Variants in NEK6 observed in about 807,000 individuals in gnomAD.
The protein encoded by NEK6 is serine/threonine-protein kinase Nek6.
Under a neutral mutation model 43.5 loss-of-function variants are expected in NEK6, and 27 were observed. The ratio of observed to expected loss-of-function variants is 0.62; its 90% CI spans 0.46 to 0.86. NEK6 has a LOEUF of 0.86. Ranked by LOEUF, NEK6 falls within the 40% of genes least tolerant of loss-of-function variation. The pLI is 0.00. For missense variants in NEK6, 318 were observed against 414.4 expected, an observed-to-expected ratio of 0.77 and a Z score of 2.02; for synonymous variants, 167 against 164.1, an observed-to-expected ratio of 1.02 and a Z score of -0.14.
intron 1 of NEK6, among the ~76,000 whole-genome samples, chr9:124,262,359 G>C (rs1831065426): frequency 6.6e-6 from 1 of 152,260 alleles, no homozygotes; most frequent in East Asian, 1.9e-4. Flanking sequence ...GGGCAAATCA[G>C]TTGGTGGTGT....
intron 1 of NEK6, among the ~76,000 whole-genome samples, chr9:124,271,473 G>A (rs1447560335): frequency 6.6e-6 from 1 of 152,262 alleles, no homozygotes; most frequent in African/African-American, 2.4e-5. Context: ...TACCCACTGT[G>A]CACCGGAGAC....
At chr9:124,345,324 TGCCCTGATGAGGGTGGAAG>T (rs1269914221) in intron 8 of NEK6, among the ~76,000 whole-genome samples, 1 of 152,184 alleles carries the variant, frequency 6.6e-6, no homozygotes, top group Non-Finnish European at 1.5e-5. Context: ...CACAGCCCAT[TGCCCTGATGAGGGTGGAAG>T]GCCCATGGCC....
At chr9:124,264,279 C>T (rs1036543236) in intron 1 of NEK6, among the ~76,000 whole-genome samples, 4 of 152,182 alleles carry the variant, frequency 2.6e-5, no homozygotes, top group African/African-American at 9.7e-5. Context: ...CAGCTGTAGT[C>T]TGTGTGGTGG....
intron 7 of NEK6, among the ~76,000 whole-genome samples, chr9:124,332,700 C>T (rs567668366): frequency 1.8e-4 from 28 of 152,202 alleles, no homozygotes; most frequent in Admixed American, 6.5e-4. Flanking sequence ...TTTCAAACAC[C>T]GAGAGCATTT....
rs1830322269 is a variant in NEK6, at chr9:124,352,454, A to G, written c.*1507A>G. 6.6e-6 allele frequency: 1 copy of G among 152,156 alleles called. No individual in the cohort carries two copies. Among genetic ancestry groups the G allele is most frequent in the African/African-American group, 2.4e-5 (1 of 41,422 alleles). 9.4% of individuals were successfully genotyped at this position (152,156 alleles called of 1,614,324 possible). A position where few individuals can be genotyped will look rare whatever the true frequency, so the allele number is the denominator to read the frequency against. ...TGAAGATTTTAAAATGGCTTTGGAG[A>G]TTTTGCTTTTAAACCAGTAGATTCA... On this transcript the variant is annotated 3_prime_UTR_variant, in exon 10 of 10. Coordinates refer to ENST00000320246, the MANE Select transcript of NEK6 (RefSeq NM_014397.6).
In NEK6 at chr9:124,324,354, AG is replaced by A. The variant is rs1314605168; in HGVS notation, c.406-1973del. Among the ~76,000 whole-genome samples the A allele has an allele frequency of 6.6e-6, 1 of 152,186 alleles. No individual in the cohort carries two copies. Among genetic ancestry groups the A allele is most frequent in the African/African-American group, 2.4e-5 (1 of 41,450 alleles). The stretch of plus-strand genomic sequence containing the variant: ...CTGGCCTCAGAGGCTGTCAGGCAGC[AG>A]GGATTGTGTCCCGAGAGCCTGCAGC... On this transcript the variant is annotated intron_variant, in intron 5 of 9. Coordinates refer to ENST00000320246, the MANE Select transcript of NEK6 (RefSeq NM_014397.6). This position sits in a 1 kb window ranked among gnomAD's most constrained non-coding sequence, Gnocchi z 5.3.
chr9:124,321,432 C>A, intron 4 of NEK6, 27 bp from the exon 5 acceptor site: 1 of 1,455,914 alleles, frequency 6.9e-7, no homozygotes, highest in Non-Finnish European at 9.6e-7. Context: ...ACTTGGTGCC[C>A]CCTTCCCTCT....
chr9:124,266,863 C>G (rs1184769763), intron 1 of NEK6, among the ~76,000 whole-genome samples: 1 of 152,206 alleles, frequency 6.6e-6, no homozygotes, highest in Non-Finnish European at 1.5e-5. Flanking sequence ...GCTGGCCCTT[C>G]CCTGGGAGAA....
intron 1 of NEK6, among the ~76,000 whole-genome samples, chr9:124,267,100 T>C (rs904188851): frequency 1.1e-4 from 17 of 152,352 alleles, no homozygotes; most frequent in Middle Eastern, 3.4e-3. Flanking sequence ...GGGCATATCT[T>C]TTGGGGTTGC....
intron 1 of NEK6, among the ~76,000 whole-genome samples, chr9:124,268,260 C>T (rs1380884141): frequency 3.9e-5 from 6 of 151,950 alleles, no homozygotes; most frequent in Admixed American, 6.6e-5. Flanking sequence ...GAGTCATTAT[C>T]CCTCATTCAT....
intron 2 of NEK6, among the ~76,000 whole-genome samples, chr9:124,311,564 C>T (rs534726012): frequency 2.6e-5 from 4 of 152,308 alleles, no homozygotes; most frequent in Non-Finnish European, 5.9e-5. Flanking sequence ...GGCTCCATCC[C>T]TGGGCAGGTC....
intron 8 of NEK6, among the ~76,000 whole-genome samples, chr9:124,340,396 C>T (rs1326294528): frequency 6.6e-6 from 1 of 152,230 alleles, no homozygotes; most frequent in Admixed American, 6.5e-5. Flanking sequence ...CCTAAGTTCT[C>T]CGGTGTCCAG....
chr9:124,319,637 G>A (rs1378953177), intron 4 of NEK6, among the ~76,000 whole-genome samples: 3 of 152,206 alleles, frequency 2.0e-5, no homozygotes, highest in Non-Finnish European at 4.4e-5. Flanking sequence ...TACACATGGT[G>A]AAAAGTAGGG....
chr9:124,322,218 T>C (rs183369411), intron 5 of NEK6, among the ~76,000 whole-genome samples: 25 of 152,238 alleles, frequency 1.6e-4, no homozygotes, highest in African/African-American at 5.8e-4. Context: ...TTCATTTCCA[T>C]GTTAGGGCTG....
At chr9:124,292,149 C>T (rs775977457) in intron 1 of NEK6, 483 of 1,219,696 alleles carry the variant, frequency 4.0e-4, no homozygotes, top group Non-Finnish European at 4.8e-4. Context: ...GTGTGTCCAG[C>T]GAGGGATGGG....
At chr9:124,329,101 T>C (rs1828831008) in intron 7 of NEK6, among the ~76,000 whole-genome samples, 1 of 152,228 alleles carries the variant, frequency 6.6e-6, no homozygotes, top group Non-Finnish European at 1.5e-5. Context: ...CAGATACCGT[T>C]GGAGTCCCCC....
chr9:124,293,575 G>A (rs1832529804), intron 1 of NEK6, among the ~76,000 whole-genome samples: 1 of 152,226 alleles, frequency 6.6e-6, no homozygotes, highest in Non-Finnish European at 1.5e-5. Context: ...AAGGCCCTGG[G>A]AACCCTGCAG....
At chr9:124,327,308 C>T (rs1834391148) in intron 6 of NEK6, 30 bp from the exon 7 acceptor site, 3 of 1,596,674 alleles carry the variant, frequency 1.9e-6, no homozygotes, top group East Asian at 4.5e-5. Flanking sequence ...CCTCCTACCC[C>T]ACACCAATCT....
chr9:124,310,428 C>T (rs940525485), intron 2 of NEK6, among the ~76,000 whole-genome samples: 8 of 152,318 alleles, frequency 5.3e-5, no homozygotes, highest in Admixed American at 2.6e-4. Flanking sequence ...CTCCAGCAGC[C>T]CTCCAGATCG....
Sources: allele counts gnomAD v4.1 joint callset (sites outside exome capture counted in the v4.1 genomes callset), GRCh38; gene constraint gnomAD v4.1.1; non-coding constraint Gnocchi (gnomAD v3.1); transcripts MANE v1.5; gene names NCBI Gene and HGNC (gene_info 2026-07-23, HGNC 2026-07-21).